PSD3: variants seen among roughly 807,000 people sequenced by gnomAD.
PSD3 encodes the protein PH and SEC7 domain-containing protein 3.
PSD3 carries 49 observed loss-of-function variants against 105.5 expected under a neutral mutation model. The ratio of observed to expected loss-of-function variants is 0.46; its 90% CI spans 0.37 to 0.59. PSD3 has a LOEUF of 0.59. PSD3 is among the 20% of genes least tolerant of loss of function. The pLI is 0.00. For missense variants in PSD3, 1,561 were observed against 1,263.8 expected, an observed-to-expected ratio of 1.24 and a Z score of -3.57; for synonymous variants, 557 against 457.8, an observed-to-expected ratio of 1.22 and a Z score of -2.77.
chr8:19,056,293 C>A (rs746931031), intron 1 of PSD3, among the ~76,000 whole-genome samples: 1 of 152,194 alleles, frequency 6.6e-6, no homozygotes, highest in Non-Finnish European at 1.5e-5. Flanking sequence ...AAAACTGACC[C>A]TCCTATAACA....
At chr8:19,073,298 C>G (rs1829333056) in intron 1 of PSD3, among the ~76,000 whole-genome samples, 1 of 152,056 alleles carries the variant, frequency 6.6e-6, no homozygotes, top group African/African-American at 2.4e-5. Flanking sequence ...CACCTGTAAT[C>G]CCAGTACTCT....
intron 3 of PSD3, 58 bp downstream of exon 3, chr8:18,871,568 C>T (rs1817348724): frequency 2.0e-6 from 3 of 1,521,140 alleles, no homozygotes; most frequent in Admixed American, 4.4e-5. Flanking sequence ...TACAGGATAA[C>T]AGTTTTCTAT....
chr8:18,866,768 A>G (rs1390214277), intron 4 of PSD3, among the ~76,000 whole-genome samples: 1 of 151,238 alleles, frequency 6.6e-6, no homozygotes, highest in African/African-American at 2.4e-5. Context: ...AACCTGTAAT[A>G]TTAATACTGG....
chr8:18,793,849 C>T lies in PSD3; in HGVS notation c.2082+5446G>A, dbSNP rs80255433. Among the ~76,000 whole-genome samples the T allele has an allele frequency of 1.2e-4, 19 of 152,296 alleles. No homozygotes were observed. The East Asian group carries it at 3.3e-3, about 26-fold the overall frequency. On this transcript the variant is annotated intron_variant, in intron 8 of 15. Coordinates refer to ENST00000327040, the MANE Select transcript of PSD3 (RefSeq NM_015310.4). ...GTTACAATAGTGATCATTACAGATG[C>T]AGAGAGTTCTTGAGGATATTAACTC...
chr8:18,774,369 T>C (rs557289047), intron 8 of PSD3, among the ~76,000 whole-genome samples: 1 of 152,222 alleles, frequency 6.6e-6, no homozygotes, highest in Non-Finnish European at 1.5e-5. Flanking sequence ...CCCTTCTTTG[T>C]GTTGGGAACA....
rs1219339535 is a variant in PSD3, at chr8:18,529,383, T to C, written c.*6360A>G. ...TCTGGCTCTTTGCATCTTAAGGTCT[T>C]ATGTTTGTATAACTTAAAACATTCA... On this transcript the variant is annotated 3_prime_UTR_variant, in exon 16 of 16. Transcript: ENST00000327040. 1.3e-5 allele frequency: 2 copies of C among 152,254 alleles called. No individual in the cohort carries two copies. Among genetic ancestry groups the C allele is most frequent in the Non-Finnish European group, 1.5e-5 (1 of 68,048 alleles). The allele number at this position is 152,254 out of a possible 1,614,324, so 9.4% of individuals were successfully genotyped here.
chr8:18,653,100 T>C (rs924755879), intron 10 of PSD3, among the ~76,000 whole-genome samples: 1 of 152,194 alleles, frequency 6.6e-6, no homozygotes, highest in Admixed American at 6.5e-5. Flanking sequence ...CAAGACTTAG[T>C]TGACCCATAA....
At chr8:18,753,354 C>CA (rs558680452) in intron 9 of PSD3, among the ~76,000 whole-genome samples, 10,238 of 140,134 alleles carry the variant, frequency 0.073, 811 homozygotes, top group African/African-American at 0.21. Context: ...ACTCCAACTC[C>CA]AAAAAAAAAA....
chr8:18,681,215 G>A (rs1222469797), intron 9 of PSD3, among the ~76,000 whole-genome samples: 1 of 152,124 alleles, frequency 6.6e-6, no homozygotes, highest in African/African-American at 2.4e-5. Context: ...AGAGGGTGGA[G>A]AGAGGTGGCA....
intron 1 of PSD3, among the ~76,000 whole-genome samples, chr8:19,035,910 A>T (rs10088061): frequency 6.6e-6 from 1 of 151,822 alleles, no homozygotes; most frequent in Non-Finnish European, 1.5e-5. Context: ...GCATACCACT[A>T]TGCCTGGCTA....
chr8:18,582,308 T>C (rs1802872816), intron 12 of PSD3, among the ~76,000 whole-genome samples: 1 of 152,160 alleles, frequency 6.6e-6, no homozygotes, highest in African/African-American at 2.4e-5. Flanking sequence ...ACTTGCTGAA[T>C]TGACGTGGCA....
intron 15 of PSD3, among the ~76,000 whole-genome samples, chr8:18,553,165 T>C (rs1046699772): frequency 2.0e-4 from 31 of 152,216 alleles, no homozygotes; most frequent in African/African-American, 7.2e-4. Context: ...AAAATAAAAG[T>C]ATTTTTCCTT....
At chr8:18,643,063 T>C (rs1206122438) in intron 10 of PSD3, among the ~76,000 whole-genome samples, 3 of 152,182 alleles carry the variant, frequency 2.0e-5, no homozygotes, top group Non-Finnish European at 4.4e-5. Flanking sequence ...AGAATTCCAC[T>C]GGCTGAGGAG....
At chr8:18,992,548 T>C (rs1044192700) in intron 1 of PSD3, among the ~76,000 whole-genome samples, 2 of 152,180 alleles carry the variant, frequency 1.3e-5, no homozygotes, top group African/African-American at 4.8e-5. Context: ...GTTGACGAAC[T>C]GAAAGCTTTT....
chr8:18,847,483 T>C (rs1227269022), intron 4 of PSD3, among the ~76,000 whole-genome samples: 1 of 152,220 alleles, frequency 6.6e-6, no homozygotes, highest in Non-Finnish European at 1.5e-5. Flanking sequence ...TTTTGGTATA[T>C]TCTACCTGCT....
chr8:18,946,491 G>C (rs950932151), intron 1 of PSD3, among the ~76,000 whole-genome samples: 16 of 152,270 alleles, frequency 1.1e-4, no homozygotes, highest in African/African-American at 3.9e-4. Flanking sequence ...TGAGGGAGGA[G>C]AATCACTTGA....
chr8:19,081,192 A>G (rs1191798541), intron 1 of PSD3, among the ~76,000 whole-genome samples: 1 of 152,012 alleles, frequency 6.6e-6, no homozygotes, highest in African/African-American at 2.4e-5. Context: ...CGTTGGCACC[A>G]CCCTGAGCTG....
chr8:18,635,692 T>C (rs2130780547), intron 10 of PSD3, among the ~76,000 whole-genome samples: 1 of 152,220 alleles, frequency 6.6e-6, no homozygotes, highest in East Asian at 1.9e-4. Context: ...CACTATGGAA[T>C]ACTATGGAGT....
intron 1 of PSD3, among the ~76,000 whole-genome samples, chr8:19,072,420 T>C (rs1031289228): frequency 6.6e-6 from 1 of 152,226 alleles, no homozygotes; most frequent in Non-Finnish European, 1.5e-5. Flanking sequence ...TCAATAATAC[T>C]CTTGTTTTCA....
Sources: allele counts gnomAD v4.1 joint callset (sites outside exome capture counted in the v4.1 genomes callset), GRCh38; gene constraint gnomAD v4.1.1; transcripts MANE v1.5; gene names NCBI Gene and HGNC (gene_info 2026-07-23, HGNC 2026-07-21).